The following SLC13A5 variants were observed in gnomAD, a reference collection of about 807,000 sequenced individuals.
SLC13A5 encodes Na(+)/citrate cotransporter.
In SLC13A5, 25 loss-of-function variants were observed where a neutral mutation model predicts 56.5. The ratio of observed to expected loss-of-function variants is 0.44; its 90% CI spans 0.32 to 0.62. The LOEUF (loss-of-function observed/expected upper bound fraction) is 0.62, where lower values mean the gene tolerates loss of function less well. Among genes scored for constraint, SLC13A5 ranks in the 20% least tolerant of loss-of-function variants. The probability of loss-of-function intolerance (pLI) is 0.04; values close to 1 mark genes in which losing one functional copy is unlikely to be tolerated. For missense variants in SLC13A5, 649 were observed against 737.8 expected, an observed-to-expected ratio of 0.88 and a Z score of 1.39; for synonymous variants, 307 against 301.5, an observed-to-expected ratio of 1.02 and a Z score of -0.19.
intron 3 of SLC13A5, among the ~76,000 whole-genome samples, chr17:6,705,891 G>A (rs777325260): frequency 2.6e-5 from 4 of 152,188 alleles, no homozygotes; most frequent in Non-Finnish European, 4.4e-5. Flanking sequence ...TCCAATCCCC[G>A]TGTGTCCATG....
chr17:6,709,834 C>G (rs1261129598), intron 1 of SLC13A5, among the ~76,000 whole-genome samples: 1 of 152,166 alleles, frequency 6.6e-6, no homozygotes, highest in Admixed American at 6.5e-5. Context: ...CCCTCAGCCT[C>G]GGCACACTGA....
rs547474199 is a variant in SLC13A5, at chr17:6,693,098, G to C, written c.1221C>G (p.Pro407=). The change falls in exon 9 of 12, where the codon CCC becomes CCG. Residue 407 remains proline, a synonymous_variant. Transcript: ENST00000433363. ...LDWKVTQEKV[P]WGIVLLLGGG... ...CCCCTAGTAGCAGCACGATGCCCCA[G>C]GGCACTTTCTCCTGGGTTACCTTCC... 1 of 1,613,592 alleles carries C rather than the reference G, an allele frequency of 6.2e-7. No homozygotes were observed. The highest frequency in any genetic ancestry group is 8.5e-7 in the Non-Finnish European group (1 of 1,179,924).
rs373587508 is a variant in SLC13A5 at position 6,690,883 on chromosome 17, G to T, written c.1333C>A (p.Pro445Thr). The T allele has an allele frequency of 3.9e-5, 63 of 1,614,072 alleles. No homozygotes were observed. Among genetic ancestry groups the T allele is most frequent in the Non-Finnish European group, 4.9e-5 (58 of 1,180,018 alleles). ...KQMEPLHAVP[P>T]AAITLILSLL... is the part of the protein sequence containing the mutation. ...GACAAGATCAAGGTGATGGCTGCCG[G>T]GGGCACTGCGTGCAAGGGCTCCATC... is the stretch of plus-strand genomic sequence containing the variant. Residue 445 changes from proline to threonine, a missense_variant, in exon 10 of 12, where the codon CCG becomes ACG. Physicochemically the swap from Pro to Thr is conservative, Grantham distance 38. Coordinates refer to ENST00000433363, the MANE Select transcript of SLC13A5 (RefSeq NM_177550.5).
chr17:6,695,199 C>T (rs548837325), intron 7 of SLC13A5, among the ~76,000 whole-genome samples: 1 of 152,286 alleles, frequency 6.6e-6, no homozygotes, highest in East Asian at 1.9e-4. Context: ...CACAGGAACA[C>T]ATTAGGGTCT....
At chr17:6,705,919 C>G (rs577640774) in intron 3 of SLC13A5, among the ~76,000 whole-genome samples, 1 of 152,236 alleles carries the variant, frequency 6.6e-6, no homozygotes, top group Non-Finnish European at 1.5e-5. Flanking sequence ...CACTTTATCC[C>G]TCTCTGCCTC....
At position 6,695,763 on chromosome 17, in the gene SLC13A5, C is replaced by T. The variant is rs565056819; in HGVS notation, c.1018G>A (p.Gly340Ser). ...WFSRDPGFMP[G>S]WLTVAWVEGE... is the part of the protein sequence containing the mutation. ...TCCACCCAGGCAACAGTCAGCCAGCCGGGCATGAAGCCGGGGTCTCGGGAG... is the reference window on the plus strand; with the variant it reads ...TCCACCCAGGCAACAGTCAGCCAGCTGGGCATGAAGCCGGGGTCTCGGGAG... Residue 340 changes from glycine (G) to serine (S), a missense_variant, in exon 7 of 12, where the codon GGC becomes AGC. Physicochemically the swap from Gly to Ser is moderately conservative, Grantham distance 56. Coordinates refer to ENST00000433363, the MANE Select transcript of SLC13A5 (RefSeq NM_177550.5). 9.3e-6 allele frequency: 15 copies of T among 1,614,140 alleles called. No individual in the cohort carries two copies. The highest frequency in any genetic ancestry group is 1.7e-4 in the Middle Eastern group (1 of 6,060).
chr17:6,711,031 A>G lies in SLC13A5; in HGVS notation c.102+2201T>C, dbSNP rs1974008309. On this transcript the variant is annotated intron_variant, in intron 1 of 11. Coordinates refer to ENST00000433363, the MANE Select transcript of SLC13A5 (RefSeq NM_177550.5). The surrounding 1 kb of genome is among the most constrained non-coding windows in gnomAD (Gnocchi z 4.0). Reference sequence around the variant, plus strand: ...GGAGCAGAGATGAGGCCAGGAGGGAATCCAGGTGGAGACAGGAAAACTGGA... The same window carrying G: ...GGAGCAGAGATGAGGCCAGGAGGGAGTCCAGGTGGAGACAGGAAAACTGGA... Among the ~76,000 whole-genome samples the G allele has an allele frequency of 6.6e-6, 1 of 152,054 alleles. No homozygotes were observed. Among genetic ancestry groups the G allele is most frequent in the African/African-American group, 2.4e-5 (1 of 41,418 alleles).
rs1974033805 is a variant in SLC13A5, at chr17:6,711,604, GC to G, written c.102+1627del. Among the ~76,000 whole-genome samples, 1 of 150,608 alleles carries G rather than the reference GC, an allele frequency of 6.6e-6. No individual in the cohort carries two copies. The highest frequency in any genetic ancestry group is 2.4e-5 in the African/African-American group (1 of 40,896). ...TTTGTGTGTTTGGGTGTGTGTTTGT[GC>G]GTGTGTTTTTGTGTGTGTTTGTGTT... On this transcript the variant is annotated intron_variant, in intron 1 of 11. Transcript: ENST00000433363. This position sits in a 1 kb window ranked among gnomAD's most constrained non-coding sequence, Gnocchi z 4.0.
chr17:6,703,739 T>A (rs1382156469), intron 4 of SLC13A5, 139 bp downstream of exon 4: 19 of 833,794 alleles, frequency 2.3e-5, no homozygotes, highest in Non-Finnish European at 3.4e-5. Context: ...AACAGTATTT[T>A]CTATTTTTTT....
chr17:6,697,675 A>G (rs555036491), intron 6 of SLC13A5, among the ~76,000 whole-genome samples: 2 of 152,204 alleles, frequency 1.3e-5, no homozygotes, highest in African/African-American at 4.8e-5. Flanking sequence ...TGAGCTTTGC[A>G]TGCCTCTGCC....
At chr17:6,694,326 T>C in intron 7 of SLC13A5, 129 bp from the exon 8 acceptor site, 1 of 585,462 alleles carries the variant, frequency 1.7e-6, no homozygotes, top group Non-Finnish European at 3.0e-6. Context: ...AAAGTCAAGG[T>C]CAAGAGTGGT....
intron 1 of SLC13A5, among the ~76,000 whole-genome samples, chr17:6,712,952 A>G (rs184199921): frequency 2.9e-3 from 445 of 152,318 alleles, no homozygotes; most frequent in African/African-American, 0.01. Flanking sequence ...TGTGTGGCTG[A>G]GATCTGTGCT....
chr17:6,693,475 C>A, intron 8 of SLC13A5: 1 of 210,458 alleles, frequency 4.8e-6, no homozygotes. Context: ...ATCACCCCAG[C>A]AATATTACTC....
chr17:6,690,811 T>C lies in SLC13A5; in HGVS notation c.1405A>G (p.Thr469Ala), dbSNP rs1475919318. The C allele has an allele frequency of 6.2e-7, 1 of 1,614,160 alleles. No homozygotes were observed. The highest frequency in any genetic ancestry group is 1.1e-5 in the South Asian group (1 of 91,078). The change falls in exon 10 of 12, where the codon ACC (threonine) becomes GCC (alanine). Residue 469 changes from threonine to alanine, a missense_variant. By Grantham distance (58) the Thr-to-Ala change is moderately conservative (BLOSUM62 0). Coordinates refer to ENST00000433363, the MANE Select transcript of SLC13A5 (RefSeq NM_177550.5). ...FTECTSNVAT[T>A]TLFLPIFASM... ...GCAAAGATGGGCAGGAACAAGGTGG[T>C]GGTGGCCACGTTGCTTGTGCACTCA...
Position 6,713,344 on chromosome 17 carries a change from G to A in SLC13A5, c.-11C>T, listed in dbSNP as rs755275935. The A allele has an allele frequency of 1.6e-5, 26 of 1,612,624 alleles. No individual in the cohort carries two copies. Among genetic ancestry groups the A allele is most frequent in the Middle Eastern group, 1.6e-4 (1 of 6,082 alleles). ...CAGCGCCGAGGCCATCGCGCGGGAG[G>A]GAGACTGGCGGGCGAGACGAGTGAG... On this transcript the variant is annotated 5_prime_UTR_variant, in exon 1 of 12. Coordinates refer to ENST00000433363, the MANE Select transcript of SLC13A5 (RefSeq NM_177550.5). This position sits in a 1 kb window ranked among gnomAD's most constrained non-coding sequence, Gnocchi z 7.3.
intron 5 of SLC13A5, among the ~76,000 whole-genome samples, chr17:6,702,605 G>A (rs573205751): frequency 2.6e-5 from 4 of 152,300 alleles, no homozygotes; most frequent in Middle Eastern, 3.4e-3. Context: ...AGGACCCAGC[G>A]TCTGGAAGTA....
At position 6,693,154 on chromosome 17, in the gene SLC13A5, T is replaced by C. The variant is rs1555541336; in HGVS notation, c.1165A>G (p.Thr389Ala). ...AGCAGGGGAGGGGGATAAAATGGAGTTTTCCTTTCTGGGAAGAAAAAGAAA... is the reference window on the plus strand; with the variant it reads ...AGCAGGGGAGGGGGATAAAATGGAGCTTTCCTTTCTGGGAAGAAAAAGAAA... ...FRSQTEEERK[T>A]PFYPPPLLDW... is the part of the protein sequence containing the mutation. Residue 389 changes from threonine (T) to alanine (A), a missense_variant, in exon 9 of 12, where the codon ACT becomes GCT. Thr to Ala is a moderately conservative substitution (Grantham distance 58). Coordinates refer to ENST00000433363, the MANE Select transcript of SLC13A5 (RefSeq NM_177550.5). 1.2e-6 allele frequency: 2 copies of C among 1,600,458 alleles called. No individual in the cohort carries two copies. The highest frequency in any genetic ancestry group is 1.7e-6 in the Non-Finnish European group (2 of 1,173,478).
At chr17:6,712,081 A>G (rs1974056306) in intron 1 of SLC13A5, among the ~76,000 whole-genome samples, 1 of 152,196 alleles carries the variant, frequency 6.6e-6, no homozygotes, top group Non-Finnish European at 1.5e-5. Context: ...GCCCCATTGT[A>G]CAGATGAGAA....
At chr17:6,696,823 G>A (rs916327745) in intron 6 of SLC13A5, among the ~76,000 whole-genome samples, 8 of 152,288 alleles carry the variant, frequency 5.3e-5, no homozygotes, top group Non-Finnish European at 4.4e-5. Context: ...AGCCCTTCCG[G>A]GGGCCATGAG....
Sources: allele counts gnomAD v4.1 joint callset (sites outside exome capture counted in the v4.1 genomes callset), GRCh38; gene constraint gnomAD v4.1.1; non-coding constraint Gnocchi (gnomAD v3.1); transcripts MANE v1.5; gene names NCBI Gene and HGNC (gene_info 2026-07-23, HGNC 2026-07-21).